Variants in MCF2L2 observed in about 807,000 individuals in gnomAD.
MCF2L2 encodes the protein probable guanine nucleotide exchange factor MCF2L2.
Under a neutral mutation model 150.2 loss-of-function variants are expected in MCF2L2, and 102 were observed. That is an observed-to-expected ratio of 0.68 (90% CI 0.58 to 0.80). The LOEUF is 0.80. MCF2L2 is among the 30% of genes least tolerant of loss of function. MCF2L2 has a pLI of 0.00. For missense variants in MCF2L2, 1,256 were observed against 1,372.8 expected (o/e 0.91, Z 1.34); for synonymous variants, 465 against 491.3 (o/e 0.95, Z 0.71).
rs550950387 is a variant in MCF2L2, at chr3:183,287,158, C to T, written c.1776+1962G>A. ...CGCTGCTCCTACACTGTCTATGTTTCTCTTTTACAACAACAACAAAAAAAT... is the reference window on the plus strand; with the variant it reads ...CGCTGCTCCTACACTGTCTATGTTTTTCTTTTACAACAACAACAAAAAAAT... On this transcript the variant is annotated intron_variant, in intron 14 of 29. Transcript: ENST00000328913. Among the ~76,000 whole-genome samples the T allele has an allele frequency of 5.2e-4, 79 of 152,302 alleles. 1 individual carries two copies. Among genetic ancestry groups the T allele is most frequent in the African/African-American group, 1.9e-3 (78 of 41,578 alleles).
At chr3:183,401,819 TCA>T (rs2108612264) in intron 1 of MCF2L2, among the ~76,000 whole-genome samples, 1 of 152,352 alleles carries the variant, frequency 6.6e-6, no homozygotes, top group Non-Finnish European at 1.5e-5. Flanking sequence ...TACTGCTTGT[TCA>T]TTCTCCTACT....
chr3:183,405,781 T>C (rs952531503), intron 1 of MCF2L2, among the ~76,000 whole-genome samples: 5 of 152,220 alleles, frequency 3.3e-5, no homozygotes, highest in Non-Finnish European at 2.9e-5. Flanking sequence ...AGTGGCGTGA[T>C]CTTGGCTCAC....
chr3:183,220,462 G>A (rs1342983574), intron 20 of MCF2L2, among the ~76,000 whole-genome samples: 2 of 151,930 alleles, frequency 1.3e-5, no homozygotes, highest in African/African-American at 2.4e-5. Context: ...AACCATAATC[G>A]AATTATAGTC....
At position 183,179,498 on chromosome 3, in the gene MCF2L2, G is replaced by A. The variant is rs748680965; in HGVS notation, c.3227C>T (p.Thr1076Ile). ...AGCGCGCTCCTCCTCGGTGCTGCGG[G>A]TCGCCCTGCAATTCCGAGAAGAAAG... Reference protein sequence around the residue: ...KEERDEEETATRSTEEERAGA... With the variant: ...KEERDEEETAIRSTEEERAGA... Residue 1076 changes from threonine (T) to isoleucine (I), a missense_variant, in exon 30 of 30, where the codon ACC becomes ATC. Transcript: ENST00000328913. The surrounding 1 kb of genome is among the most constrained non-coding windows in gnomAD (Gnocchi z 4.2). 1.9e-5 allele frequency: 30 copies of A among 1,609,408 alleles called. No individual in the cohort carries two copies. Among genetic ancestry groups the A allele is most frequent in the Non-Finnish European group, 2.4e-5 (28 of 1,177,294 alleles).
At chr3:183,400,690 T>C (rs1714706131) in intron 1 of MCF2L2, 1 of 259,716 alleles carries the variant, frequency 3.9e-6, no homozygotes, top group Non-Finnish European at 7.8e-6. Context: ...GACGTACTCA[T>C]TTAGAAACAA....
chr3:183,281,713 G>A (rs1021642728), intron 14 of MCF2L2, among the ~76,000 whole-genome samples: 3 of 152,102 alleles, frequency 2.0e-5, no homozygotes, highest in African/African-American at 7.2e-5. Flanking sequence ...CTGGAGGAAA[G>A]GATGAGGAGA....
chr3:183,395,863 A>C (rs1457942764), intron 1 of MCF2L2, among the ~76,000 whole-genome samples: 1 of 144,074 alleles, frequency 6.9e-6, no homozygotes, highest in East Asian at 2.2e-4. Context: ...GGTTGCAGTG[A>C]GCTGTGATCA....
At chr3:183,228,482 C>A (rs1021361708) in intron 17 of MCF2L2, 116 bp from the exon 18 acceptor site, 5 of 619,864 alleles carry the variant, frequency 8.1e-6, no homozygotes, top group African/African-American at 3.7e-5. Context: ...GTTCTCCAGG[C>A]CTTCTTGCTC....
intron 3 of MCF2L2, among the ~76,000 whole-genome samples, chr3:183,351,236 ATTTATTTATTTATT>A (rs1163540965): frequency 9.9e-5 from 7 of 70,396 alleles, no homozygotes; most frequent in African/African-American, 4.8e-4. Context: ...ATATATATAT[ATTTATTTATTTATT>A]TATCAGAACC....
intron 15 of MCF2L2, among the ~76,000 whole-genome samples, chr3:183,233,041 A>G (rs955264203): frequency 1.3e-5 from 2 of 152,158 alleles, no homozygotes; most frequent in Admixed American, 1.3e-4. Flanking sequence ...TGGTTACTTA[A>G]ATGCTCATCA....
intron 3 of MCF2L2, among the ~76,000 whole-genome samples, chr3:183,359,853 G>A (rs186548847): frequency 6.6e-6 from 1 of 152,320 alleles, no homozygotes; most frequent in Admixed American, 6.5e-5. Context: ...ATAAGGTGGG[G>A]ACTTTGAAGA....
intron 5 of MCF2L2, 38 bp downstream of exon 5, chr3:183,338,762 C>G (rs757428411): frequency 1.9e-6 from 3 of 1,574,254 alleles, no homozygotes; most frequent in Middle Eastern, 1.7e-4. Context: ...TAGCCAGAAG[C>G]CCTAACCAAA....
At chr3:183,299,866 T>G in intron 11 of MCF2L2, 139 bp downstream of exon 11, 1 of 935,518 alleles carries the variant, frequency 1.1e-6, no homozygotes, top group Non-Finnish European at 1.6e-6. Flanking sequence ...CTGCACAGTT[T>G]TTAATGCCTC....
In MCF2L2 at chr3:183,284,671, C is replaced by T. The variant is rs1458162235; in HGVS notation, c.1776+4449G>A. ...GAGCTGAGATCACTCCATGGCACTCCAGCTTGGGCAACAAAGTGAGACTCT... is the reference window on the plus strand; with the variant it reads ...GAGCTGAGATCACTCCATGGCACTCTAGCTTGGGCAACAAAGTGAGACTCT... On this transcript the variant is annotated intron_variant, in intron 14 of 29. Coordinates refer to ENST00000328913, the MANE Select transcript of MCF2L2 (RefSeq NM_015078.4). 2.6e-5 allele frequency among the ~76,000 whole-genome samples: 4 copies of T among 151,304 alleles called. No homozygotes were observed. The East Asian group carries it at 7.7e-4, about 29-fold the overall frequency.
intron 1 of MCF2L2, among the ~76,000 whole-genome samples, chr3:183,399,600 G>C (rs758005885): frequency 5.9e-5 from 9 of 152,164 alleles, no homozygotes; most frequent in Non-Finnish European, 1.0e-4. Context: ...CCATCGAAGG[G>C]AAGCGCTTTT....
At chr3:183,193,408 T>G (rs1435420510) in intron 26 of MCF2L2, among the ~76,000 whole-genome samples, 1 of 149,868 alleles carries the variant, frequency 6.7e-6, no homozygotes, top group Non-Finnish European at 1.5e-5. Context: ...TGGAGTGCAG[T>G]GGCGCAATCT....
intron 8 of MCF2L2, 46 bp downstream of exon 8, chr3:183,311,602 C>A (rs1560015795): frequency 1.2e-6 from 2 of 1,609,782 alleles, no homozygotes; most frequent in East Asian, 4.5e-5. Flanking sequence ...ACATCTAGGT[C>A]TACATATTCT....
At chr3:183,347,500 G>A (rs1202736872) in intron 3 of MCF2L2, among the ~76,000 whole-genome samples, 1 of 152,164 alleles carries the variant, frequency 6.6e-6, no homozygotes, top group Non-Finnish European at 1.5e-5. Flanking sequence ...GCGTGGCAAA[G>A]ACTTCATGAC....
intron 15 of MCF2L2, among the ~76,000 whole-genome samples, chr3:183,262,046 AAGGAATG>A (rs2108420702): frequency 6.7e-6 from 1 of 148,160 alleles, no homozygotes; most frequent in African/African-American, 2.5e-5. Context: ...AAAAGATATA[AAGGAATG>A]AGGAATGCAT....
Sources: gnomAD v4.1 joint callset for allele counts (sites outside exome capture counted in the v4.1 genomes callset) on GRCh38, gnomAD v4.1.1 for gene constraint, Gnocchi (gnomAD v3.1) non-coding constraint, MANE v1.5 for transcripts, NCBI Gene and HGNC (gene_info 2026-07-23, HGNC 2026-07-21) for gene names.